SH2D4A: variants seen among roughly 807,000 people sequenced by gnomAD.
SH2D4A encodes SH2 domain-containing protein 4A.
Under a neutral mutation model 64.7 loss-of-function variants are expected in SH2D4A, and 70 were observed. That is an observed-to-expected ratio of 1.08 (90% CI 0.89 to 1.32). SH2D4A has a LOEUF of 1.32. Among genes scored for constraint, SH2D4A ranks in the 40% most tolerant of loss-of-function variants. SH2D4A has a pLI of 0.00. For synonymous variants in SH2D4A, 268 were observed against 200.7 expected (o/e 1.34, Z -2.83); for missense variants, 706 against 540.1 (o/e 1.31, Z -3.04).
chr8:19,391,427 G>A (rs1055315674), intron 8 of SH2D4A, among the ~76,000 whole-genome samples: 2 of 152,134 alleles, frequency 1.3e-5, no homozygotes, highest in Non-Finnish European at 2.9e-5. Context: ...AAAAGCGACT[G>A]GACATGATAC....
chr8:19,363,202 A>C (rs1484464451), intron 6 of SH2D4A, among the ~76,000 whole-genome samples: 1 of 152,038 alleles, frequency 6.6e-6, no homozygotes, highest in Non-Finnish European at 1.5e-5. Flanking sequence ...CAGCCTCCCC[A>C]GTAGCTAGGA....
At chr8:19,392,503 C>A (rs562358602) in intron 8 of SH2D4A, among the ~76,000 whole-genome samples, 1 of 152,218 alleles carries the variant, frequency 6.6e-6, no homozygotes, top group South Asian at 2.1e-4. Flanking sequence ...AGATGTCTCT[C>A]GGACACCTTT....
intron 2 of SH2D4A, among the ~76,000 whole-genome samples, chr8:19,325,825 A>T (rs1325845914): frequency 2.0e-5 from 3 of 152,254 alleles, no homozygotes; most frequent in African/African-American, 7.2e-5. Context: ...TAACAAATAT[A>T]GGAAATAATG....
At chr8:19,384,098 T>G (rs1232855370) in intron 8 of SH2D4A, among the ~76,000 whole-genome samples, 1 of 152,204 alleles carries the variant, frequency 6.6e-6, no homozygotes, top group East Asian at 1.9e-4. Context: ...AAGCAGCACT[T>G]CAGTAAAATA....
At position 19,364,257 on chromosome 8, in the gene SH2D4A, G is replaced by A. The variant is rs1196855131; in HGVS notation, c.892G>A (p.Gly298Arg). 6.2e-7 allele frequency: 1 copy of A among 1,614,130 alleles called. No homozygotes were observed. The highest frequency in any genetic ancestry group is 1.1e-5 in the South Asian group (1 of 91,086). The change falls in exon 7 of 10, where the codon GGG (glycine) becomes AGG (arginine). Residue 298 changes from glycine to arginine, a missense_variant. Physicochemically the swap from Gly to Arg is moderately radical, Grantham distance 125. Coordinates refer to ENST00000265807, the MANE Select transcript of SH2D4A (RefSeq NM_022071.4). ...LPPKPQFLNS[G>R]AYPQKPLRNQ... ...ACCCAAGCCTCAGTTCCTAAACTCA[G>A]GGGCATATCCTCAAAAACCTCTTAG... is the stretch of plus-strand genomic sequence containing the variant.
At chr8:19,356,333 G>T (rs1014821960) in intron 4 of SH2D4A, among the ~76,000 whole-genome samples, 5 of 152,186 alleles carry the variant, frequency 3.3e-5, no homozygotes, top group African/African-American at 7.2e-5. Flanking sequence ...CTGAATGGTG[G>T]CACCAACCTT....
chr8:19,362,898 CA>C (rs2052916678), intron 6 of SH2D4A, among the ~76,000 whole-genome samples: 1 of 152,058 alleles, frequency 6.6e-6, no homozygotes. Context: ...AAGTCAACAT[CA>C]GTGTGTAGTA....
Position 19,364,421 on chromosome 8 carries a change from T to A in SH2D4A, c.917+139T>A, listed in dbSNP as rs758451396. On this transcript the variant is annotated intron_variant, in intron 7 of 9. Transcript: ENST00000265807. ...AGCCTGTGTAAGTAGCTCAGGTTCA[T>A]GTCTAAGCCTTCTTCCTGGGTGATC... 5.0e-4 allele frequency: 437 copies of A among 881,618 alleles called. 2 individuals carry two copies. The highest frequency in any genetic ancestry group is 6.6e-4 in the Middle Eastern group (2 of 3,046). The allele number at this position is 881,618 out of a possible 1,614,324, so 54.6% of individuals were successfully genotyped here.
At chr8:19,371,024 T>C (rs1403088580) in intron 7 of SH2D4A, among the ~76,000 whole-genome samples, 1 of 152,156 alleles carries the variant, frequency 6.6e-6, no homozygotes, top group Non-Finnish European at 1.5e-5. Context: ...TCTCCTTGCA[T>C]TTTGTATTTT....
intron 2 of SH2D4A, among the ~76,000 whole-genome samples, chr8:19,327,413 C>T (rs751211085): frequency 6.6e-6 from 1 of 152,214 alleles, no homozygotes; most frequent in Non-Finnish European, 1.5e-5. Flanking sequence ...GTGCATGCCC[C>T]ATTAGGCTCC....
chr8:19,390,969 T>G (rs2053482932), intron 8 of SH2D4A, among the ~76,000 whole-genome samples: 6 of 152,310 alleles, frequency 3.9e-5, no homozygotes, highest in African/African-American at 1.4e-4. Flanking sequence ...TCATAAATTG[T>G]AACACCTGCC....
At chr8:19,315,828 G>C (rs933198509) in intron 1 of SH2D4A, among the ~76,000 whole-genome samples, 3 of 152,184 alleles carry the variant, frequency 2.0e-5, no homozygotes, top group African/African-American at 7.2e-5. Flanking sequence ...TTAATTTCCT[G>C]ATTTCTATTT....
At chr8:19,393,877 C>T (rs2053541837) in intron 9 of SH2D4A, among the ~76,000 whole-genome samples, 1 of 152,206 alleles carries the variant, frequency 6.6e-6, no homozygotes, top group African/African-American at 2.4e-5. Context: ...ACAATTTCTC[C>T]ATGGACTCAG....
At chr8:19,357,364 TC>T in intron 5 of SH2D4A, 81 bp downstream of exon 5, 3 of 1,027,554 alleles carry the variant, frequency 2.9e-6, no homozygotes, top group Non-Finnish European at 4.5e-6. Flanking sequence ...TTAATTAATC[TC>T]ATGCAGAAAT....
chr8:19,383,804 C>T (rs2053339925), intron 8 of SH2D4A, among the ~76,000 whole-genome samples: 1 of 152,012 alleles, frequency 6.6e-6, no homozygotes, highest in South Asian at 2.1e-4. Context: ...TCTTTAATGT[C>T]TGGCTGCCAA....
At chr8:19,364,360 G>T in intron 7 of SH2D4A, 78 bp downstream of exon 7, 1 of 1,512,502 alleles carries the variant, frequency 6.6e-7, no homozygotes, top group Non-Finnish European at 9.0e-7. Context: ...AAGGGGAATT[G>T]TATGAGCTGC....
intron 8 of SH2D4A, among the ~76,000 whole-genome samples, chr8:19,383,815 A>C (rs2053340253): frequency 6.6e-6 from 1 of 152,140 alleles, no homozygotes; most frequent in Admixed American, 6.5e-5. Flanking sequence ...TGGCTGCCAA[A>C]AGGGGGAAAA....
Position 19,364,207 on chromosome 8 carries a change from A to G in SH2D4A, c.842A>G (p.Gln281Arg), listed in dbSNP as rs2052946939. 6.2e-7 allele frequency: 1 copy of G among 1,614,210 alleles called. No individual in the cohort carries two copies. The highest frequency in any genetic ancestry group is 8.5e-7 in the Non-Finnish European group (1 of 1,180,016). The stretch of plus-strand genomic sequence containing the variant: ...CTGCAAAGCCCCTTGCGTGTTCCGC[A>G]GAAACCAGAAAGACCTCCCCTTCCA... ...ERLQSPLRVP[Q>R]KPERPPLPPK... Residue 281 changes from glutamine to arginine, a missense_variant, in exon 7 of 10, where the codon CAG (glutamine) becomes CGG (arginine). Physicochemically the swap from Gln to Arg is conservative, Grantham distance 43. Transcript: ENST00000265807.
chr8:19,313,919 G>T, intron 1 of SH2D4A, 96 bp downstream of exon 1: 2 of 1,326,448 alleles, frequency 1.5e-6, no homozygotes, highest in South Asian at 3.9e-5. Context: ...GGGTGCATGG[G>T]AGGCGCAGGG....
Sources: allele counts gnomAD v4.1 joint callset (sites outside exome capture counted in the v4.1 genomes callset), GRCh38; gene constraint gnomAD v4.1.1; transcripts MANE v1.5; gene names NCBI Gene and HGNC (gene_info 2026-07-23, HGNC 2026-07-21).